NR2C2: variants seen among roughly 807,000 people sequenced by gnomAD.
NR2C2 encodes the protein Nuclear hormone receptor TR4.
A neutral mutation model predicts 62.9 loss-of-function variants in NR2C2; 6 were observed. The observed-to-expected ratio is 0.10, with a 90% CI of 0.05 to 0.19. NR2C2 has a LOEUF of 0.19. Among genes scored for constraint, NR2C2 ranks in the 10% least tolerant of loss-of-function variants. The pLI, the probability that NR2C2 is intolerant of heterozygous loss-of-function variation, is 1.00. For missense variants in NR2C2, 479 were observed against 762.7 expected, an observed-to-expected ratio of 0.63 and a Z score of 4.38; for synonymous variants, 272 against 273.8, an observed-to-expected ratio of 0.99 and a Z score of 0.07.
At chr3:14,991,159 C>T (rs1375404713) in intron 1 of NR2C2, among the ~76,000 whole-genome samples, 1 of 152,110 alleles carries the variant, frequency 6.6e-6, no homozygotes, top group Non-Finnish European at 1.5e-5. Flanking sequence ...CTAATGAATT[C>T]TGATATAAAT....
chr3:15,013,164 C>T (rs1217615423), intron 2 of NR2C2, among the ~76,000 whole-genome samples: 1 of 152,222 alleles, frequency 6.6e-6, no homozygotes, highest in African/African-American at 2.4e-5. Flanking sequence ...ATATTATTTA[C>T]AGGACCTTTT....
intron 4 of NR2C2, among the ~76,000 whole-genome samples, chr3:15,018,077 C>A (rs1414909478): frequency 6.6e-6 from 1 of 152,172 alleles, no homozygotes; most frequent in Non-Finnish European, 1.5e-5. Context: ...TGGCTCACTG[C>A]AACCTTTGCC....
At chr3:14,986,351 A>T (rs2040513768) in intron 1 of NR2C2, among the ~76,000 whole-genome samples, 1 of 152,204 alleles carries the variant, frequency 6.6e-6, no homozygotes, top group African/African-American at 2.4e-5. Context: ...TAAGGGTACT[A>T]AGAAGATACA....
At chr3:14,956,232 A>C (rs2039518985) in intron 1 of NR2C2, among the ~76,000 whole-genome samples, 1 of 152,182 alleles carries the variant, frequency 6.6e-6, no homozygotes, top group African/African-American at 2.4e-5. Flanking sequence ...TCAAGTCTTG[A>C]TCTATGATTG....
chr3:14,968,337 C>T (rs2039926368), intron 1 of NR2C2, among the ~76,000 whole-genome samples: 1 of 152,140 alleles, frequency 6.6e-6, no homozygotes, highest in Non-Finnish European at 1.5e-5. Flanking sequence ...CATGAACAGA[C>T]ACTTCTCAAA....
chr3:14,985,420 T>C (rs370734096), intron 1 of NR2C2, among the ~76,000 whole-genome samples: 111 of 152,242 alleles, frequency 7.3e-4, no homozygotes, highest in African/African-American at 2.4e-3. Flanking sequence ...CATCTGTGAT[T>C]ACCTTTTTGT....
At chr3:14,962,364 T>G (rs1268230440) in intron 1 of NR2C2, 1 of 152,654 alleles carries the variant, frequency 6.6e-6, no homozygotes, top group East Asian at 1.9e-4. Flanking sequence ...TCAAGTAGTC[T>G]GGTTTCTCCC....
At chr3:14,989,009 C>T (rs2040590625) in intron 1 of NR2C2, among the ~76,000 whole-genome samples, 1 of 152,116 alleles carries the variant, frequency 6.6e-6, no homozygotes, top group Admixed American at 6.6e-5. Context: ...CCTACTCTTC[C>T]CCTAGGCTTT....
intron 1 of NR2C2, among the ~76,000 whole-genome samples, chr3:14,984,107 C>T (rs1451524490): frequency 1.3e-5 from 2 of 152,018 alleles, no homozygotes; most frequent in South Asian, 2.1e-4. Flanking sequence ...AGGCTGGTCT[C>T]GAACTCCCGA....
chr3:15,033,671 C>T (rs1435210398), intron 10 of NR2C2, among the ~76,000 whole-genome samples: 7 of 105,968 alleles, frequency 6.6e-5, no homozygotes, highest in African/African-American at 2.5e-4. Flanking sequence ...TTTTAAATAA[C>T]ACCACAGTCC....
In NR2C2 at chr3:15,037,992, G is replaced by GC; in HGVS notation, c.1373-8_1373-7insC. On this transcript the variant is annotated splice_polypyrimidine_tract_variant and splice_region_variant and intron_variant, in intron 11 of 13. Coordinates refer to ENST00000425241, the MANE Select transcript of NR2C2 (RefSeq NM_001291694.2). ...GCCTTTCTCAGGATCTGTGATGTTGGTTTCTAGATAAACTTTCTGGTGACC... is the reference window on the plus strand; with the variant it reads ...GCCTTTCTCAGGATCTGTGATGTTGGCTTTCTAGATAAACTTTCTGGTGACC... The GC allele has an allele frequency of 6.2e-7, 1 of 1,611,576 alleles. No homozygotes were observed. Among genetic ancestry groups the GC allele is most frequent in the Non-Finnish European group, 8.5e-7 (1 of 1,178,776 alleles).
At chr3:14,990,315 G>GT (rs2040634200) in intron 1 of NR2C2, among the ~76,000 whole-genome samples, 1 of 152,184 alleles carries the variant, frequency 6.6e-6, no homozygotes, top group Admixed American at 6.5e-5. Flanking sequence ...GGGAGAGAGA[G>GT]TTTAACAGTG....
intron 1 of NR2C2, among the ~76,000 whole-genome samples, chr3:14,973,202 G>A (rs778562340): frequency 5.9e-5 from 9 of 151,890 alleles, no homozygotes; most frequent in East Asian, 3.9e-4. Context: ...AGAAATTATC[G>A]CCAAGTCCAA....
chr3:15,030,432 GACAC>G lies in NR2C2; in HGVS notation c.1095_1098del (p.His366SerfsTer5). 6.2e-7 allele frequency: 1 copy of G among 1,601,480 alleles called. No homozygotes were observed. The highest frequency in any genetic ancestry group is 8.5e-7 in the Non-Finnish European group (1 of 1,176,086). On this transcript the variant is annotated frameshift_variant, in exon 9 of 14. Coordinates refer to ENST00000425241, the MANE Select transcript of NR2C2 (RefSeq NM_001291694.2). LOFTEE classifies it high-confidence loss of function. ...TGAGGTTGAAGGCCCCCTCCTTTCA[GACAC>G]ACACGTCACATTTAAGGTGAGTGAA...
intron 1 of NR2C2, among the ~76,000 whole-genome samples, chr3:14,969,852 C>G (rs2039984419): frequency 6.6e-6 from 1 of 152,138 alleles, no homozygotes; most frequent in African/African-American, 2.4e-5. Context: ...CTTACACTAA[C>G]ATTTCCATGT....
At chr3:14,977,148 C>T (rs2040231171) in intron 1 of NR2C2, among the ~76,000 whole-genome samples, 1 of 152,076 alleles carries the variant, frequency 6.6e-6, no homozygotes. Context: ...CATTTCCTCT[C>T]GTTTTCTCTT....
At chr3:14,966,712 T>C (rs1167671208) in intron 1 of NR2C2, among the ~76,000 whole-genome samples, 1 of 152,250 alleles carries the variant, frequency 6.6e-6, no homozygotes, top group African/African-American at 2.4e-5. Flanking sequence ...TTTTTCTCCA[T>C]AGACCATCTA....
At chr3:15,012,593 C>T (rs915627677) in intron 2 of NR2C2, among the ~76,000 whole-genome samples, 3 of 152,120 alleles carry the variant, frequency 2.0e-5, no homozygotes, top group African/African-American at 7.2e-5. Flanking sequence ...CTGTAGGAAA[C>T]TGAGTTCCAG....
chr3:14,983,462 T>TACAC (rs34788861), intron 1 of NR2C2, among the ~76,000 whole-genome samples: 24,267 of 146,684 alleles, frequency 0.17, 2,193 homozygotes, highest in East Asian at 0.39. Context: ...ATACTCTTTA[T>TACAC]ACACACACAC....
Sources: gnomAD v4.1 joint callset for allele counts (sites outside exome capture counted in the v4.1 genomes callset) on GRCh38, gnomAD v4.1.1 for gene constraint, MANE v1.5 for transcripts, NCBI Gene and HGNC (gene_info 2026-07-23, HGNC 2026-07-21) for gene names.